Variants in TFDP1 observed in about 807,000 individuals in gnomAD.
TFDP1 encodes the protein DRTF1-polypeptide 1.
Under a neutral mutation model 48.0 loss-of-function variants are expected in TFDP1, and 6 were observed. That is an observed-to-expected ratio of 0.13 (90% CI 0.07 to 0.25). TFDP1 has a LOEUF of 0.25. TFDP1 is among the 10% of genes least tolerant of loss of function. TFDP1 has a pLI of 1.00. For missense variants in TFDP1, 335 were observed against 543.0 expected (o/e 0.62, Z 3.81); for synonymous variants, 201 against 211.6 (o/e 0.95, Z 0.44).
At chr13:113,599,445 G>A (rs189508307) in intron 2 of TFDP1, among the ~76,000 whole-genome samples, 237 of 152,240 alleles carry the variant, frequency 1.6e-3, no homozygotes, top group African/African-American at 5.3e-3. Context: ...TTGGAGCCTC[G>A]CCCCCTCCAG....
intron 2 of TFDP1, among the ~76,000 whole-genome samples, chr13:113,595,676 G>A (rs1037097905): frequency 1.8e-4 from 27 of 152,232 alleles, no homozygotes; most frequent in African/African-American, 6.5e-4. Flanking sequence ...GCCTGTGCGC[G>A]TGCATGTCTG....
intron 10 of TFDP1, 69 bp downstream of exon 10, chr13:113,636,769 C>T (rs918682144): frequency 5.3e-5 from 82 of 1,541,674 alleles, no homozygotes; most frequent in Middle Eastern, 3.4e-4. Flanking sequence ...CGGTGCCCTC[C>T]CCTCCCGGCT....
At chr13:113,601,340 C>CGGCTGCTGGTGGGACCCCGCTCCTTGTG (rs2048420488) in intron 2 of TFDP1, among the ~76,000 whole-genome samples, 1 of 150,416 alleles carries the variant, frequency 6.6e-6, no homozygotes, top group African/African-American at 2.5e-5. Context: ...TTAACTCACC[C>CGGCTGCTGGTGGGACCCCGCTCCTTGTG]GGCTGCTGGT....
At chr13:113,636,964 G>A (rs2049508639) in intron 10 of TFDP1, among the ~76,000 whole-genome samples, 1 of 152,200 alleles carries the variant, frequency 6.6e-6, no homozygotes, top group Non-Finnish European at 1.5e-5. Context: ...GTTTGTGTGA[G>A]GAGGTGCTAA....
intron 4 of TFDP1, among the ~76,000 whole-genome samples, chr13:113,629,041 G>T (rs1213994913): frequency 6.6e-6 from 1 of 152,258 alleles, no homozygotes; most frequent in Non-Finnish European, 1.5e-5. Flanking sequence ...TCGTTCCTGG[G>T]AGGGCTGGCT....
chr13:113,624,989 G>A (rs2049097668), intron 4 of TFDP1, among the ~76,000 whole-genome samples: 1 of 113,500 alleles, frequency 8.8e-6, no homozygotes, highest in African/African-American at 3.9e-5. Context: ...GTCCTCAGGT[G>A]TCTCTCACGT....
At chr13:113,638,499 G>A (rs974929238) in intron 11 of TFDP1, among the ~76,000 whole-genome samples, 10 of 149,596 alleles carry the variant, frequency 6.7e-5, no homozygotes, top group Non-Finnish European at 1.3e-4. Flanking sequence ...TTTTGCGAAC[G>A]CGTCTGTGAT....
At chr13:113,585,569 C>CT in intron 1 of TFDP1, 1 of 364,120 alleles carries the variant, frequency 2.7e-6, no homozygotes. Flanking sequence ...CCGCGGGCCA[C>CT]TTTTCCGCAG....
At chr13:113,621,010 A>G (rs2140466597) in intron 3 of TFDP1, among the ~76,000 whole-genome samples, 1 of 152,396 alleles carries the variant, frequency 6.6e-6, no homozygotes, top group African/African-American at 2.4e-5. Context: ...ATTGTTTAAT[A>G]TATTTTAAAG....
At chr13:113,637,729 G>A (rs779963098) in intron 10 of TFDP1, 89 bp from the exon 11 acceptor site, 8 of 1,608,794 alleles carry the variant, frequency 5.0e-6, no homozygotes, top group Middle Eastern at 1.6e-4. Flanking sequence ...CGTCTGTCCT[G>A]TGGAACTGCG....
chr13:113,586,041 C>T (rs1384499765), intron 2 of TFDP1, 192 bp downstream of exon 2: 3 of 556,372 alleles, frequency 5.4e-6, no homozygotes, highest in African/African-American at 1.9e-5. Flanking sequence ...TCACCACCCA[C>T]AAGTTGTGGC....
At position 113,637,965 on chromosome 13, in the gene TFDP1, G is replaced by A; in HGVS notation, c.1085+69G>A. 8 of 1,574,370 alleles carry A rather than the reference G, an allele frequency of 5.1e-6. No homozygotes were observed. In the South Asian group the frequency reaches 8.3e-5, roughly 16 times the overall value. On this transcript the variant is annotated intron_variant, in intron 11 of 11. Transcript: ENST00000375370. ...CCCCGGGGTCCAGGGGCCAAGGCAG[G>A]GCAGCCGTCTCAGGTGTGGCCATCA...
At chr13:113,608,062 G>A (rs2048612716) in intron 2 of TFDP1, among the ~76,000 whole-genome samples, 1 of 152,196 alleles carries the variant, frequency 6.6e-6, no homozygotes, top group Non-Finnish European at 1.5e-5. Flanking sequence ...GTGCACGGTG[G>A]CCCTGGGCGG....
intron 2 of TFDP1, among the ~76,000 whole-genome samples, chr13:113,597,570 C>T (rs1297344448): frequency 2.6e-5 from 4 of 152,238 alleles, no homozygotes; most frequent in East Asian, 1.9e-4. Flanking sequence ...GCCTGTCCCA[C>T]GTGGGCGGCC....
intron 11 of TFDP1, 102 bp from the exon 12 acceptor site, chr13:113,640,018 C>T (rs1046248783): frequency 9.3e-6 from 8 of 857,026 alleles, no homozygotes; most frequent in African/African-American, 8.6e-5. Context: ...ACAAAACCCA[C>T]ACCTGTGGGG....
In TFDP1 at chr13:113,637,857, C is replaced by T. The variant is rs760185871; in HGVS notation, c.1046C>T (p.Thr349Met). Reference sequence around the variant, plus strand: ...ACTGTTGGAGGCGTGTTCATCACGACGGCAGGTTCCACGTCTAACGGCACA... The same window carrying T: ...ACTGTTGGAGGCGTGTTCATCACGATGGCAGGTTCCACGTCTAACGGCACA... The part of the protein sequence containing the change: ...QGTVGGVFIT[T>M]AGSTSNGTRF... The change falls in exon 11 of 12, where the codon ACG becomes ATG. Residue 349 changes from threonine to methionine, a missense_variant. Transcript: ENST00000375370. The T allele has an allele frequency of 3.1e-6, 5 of 1,614,034 alleles. No homozygotes were observed. Among genetic ancestry groups the T allele is most frequent in the Admixed American group, 1.7e-5 (1 of 60,000 alleles).
At chr13:113,613,759 C>T (rs111206038) in intron 3 of TFDP1, among the ~76,000 whole-genome samples, 1 of 149,532 alleles carries the variant, frequency 6.7e-6, no homozygotes, top group African/African-American at 2.5e-5. Flanking sequence ...TGCGTGAATG[C>T]GTGGGTGTGT....
rs775549204 is a variant in TFDP1, at chr13:113,627,647, G to T, written c.187-3976G>T. 1.3e-5 allele frequency among the ~76,000 whole-genome samples: 2 copies of T among 152,152 alleles called. No homozygotes were observed. The highest frequency in any genetic ancestry group is 2.9e-5 in the Non-Finnish European group (2 of 68,030). ...TAAATCAGGAGTCCCCAACCCCTGG[G>T]CCTGTTAGGAAGCTGGCCGCACAGC... is the stretch of plus-strand genomic sequence containing the variant. On this transcript the variant is annotated intron_variant, in intron 4 of 11. Transcript: ENST00000375370. The surrounding 1 kb of genome is among the most constrained non-coding windows in gnomAD (Gnocchi z 4.1).
intron 3 of TFDP1, 108 bp downstream of exon 3, chr13:113,611,170 G>A: frequency 1.8e-6 from 2 of 1,120,066 alleles, no homozygotes; most frequent in Non-Finnish European, 2.7e-6. Context: ...GGCATCTCCT[G>A]CATGGGCACC....
Sources: gnomAD v4.1 joint callset for allele counts (sites outside exome capture counted in the v4.1 genomes callset) on GRCh38, gnomAD v4.1.1 for gene constraint, Gnocchi (gnomAD v3.1) non-coding constraint, MANE v1.5 for transcripts, NCBI Gene and HGNC (gene_info 2026-07-23, HGNC 2026-07-21) for gene names.